KIAA1549L: variants seen among roughly 807,000 people sequenced by gnomAD.
KIAA1549L encodes the protein KIAA1549 like, also known as UPF0606 protein KIAA1549L.
A neutral mutation model predicts 160.7 loss-of-function variants in KIAA1549L; 88 were observed. The observed-to-expected ratio is 0.55, with a 90% confidence interval of 0.46 to 0.65. The LOEUF is 0.65. Among genes scored for constraint, KIAA1549L ranks in the 30% least tolerant of loss-of-function variants. The probability of loss-of-function intolerance (pLI) is 0.00; values close to 1 mark genes in which losing one functional copy is unlikely to be tolerated. For missense variants in KIAA1549L, 2,258 were observed against 2,437.5 expected (o/e 0.93, Z 1.55); for synonymous variants, 950 against 976.7 (o/e 0.97, Z 0.51).
intron 18 of KIAA1549L, 132 bp downstream of exon 18, chr11:33,656,241 C>T (rs1172295479): frequency 7.5e-6 from 5 of 668,986 alleles, no homozygotes; most frequent in Non-Finnish European, 1.3e-5. Context: ...CCTGTACAGA[C>T]AACCATGCGC....
intron 8 of KIAA1549L, 145 bp downstream of exon 8, chr11:33,561,880 T>G (rs1173598366): frequency 1.6e-6 from 1 of 638,274 alleles, no homozygotes; most frequent in Non-Finnish European, 2.8e-6. Flanking sequence ...GGACCAGAAG[T>G]GAATGGGGTA....
Position 33,439,994 on chromosome 11 carries a change from C to T in KIAA1549L, c.238+63105C>T, listed in dbSNP as rs1255579606. ...AGTCTATTTACGTTGATTATCATTA[C>T]GAAAATATTTGGATTTATTTTTACC... is the stretch of plus-strand genomic sequence containing the variant. On this transcript the variant is annotated intron_variant, in intron 1 of 20. Transcript: ENST00000658780. Among the ~76,000 whole-genome samples the T allele has an allele frequency of 5.3e-5, 8 of 151,976 alleles. No individual in the cohort carries two copies. In the East Asian group the frequency reaches 7.7e-4, roughly 15 times the overall value.
intron 1 of KIAA1549L, among the ~76,000 whole-genome samples, chr11:33,482,329 A>G (rs1852427580): frequency 6.6e-6 from 1 of 151,632 alleles, no homozygotes; most frequent in Non-Finnish European, 1.5e-5. Context: ...TTGAATAGTT[A>G]TCTGCTGGAA....
chr11:33,434,326 G>A (rs997065721), intron 1 of KIAA1549L, among the ~76,000 whole-genome samples: 8 of 152,290 alleles, frequency 5.3e-5, no homozygotes, highest in Non-Finnish European at 1.2e-4. Context: ...TGTAAGATGT[G>A]ACTTTGCTCC....
At chr11:33,402,728 C>T (rs1023038890) in intron 1 of KIAA1549L, among the ~76,000 whole-genome samples, 3 of 152,162 alleles carry the variant, frequency 2.0e-5, no homozygotes, top group Admixed American at 6.5e-5. Context: ...TGAATTCCCC[C>T]GTGGGAGCAG....
intron 4 of KIAA1549L, among the ~76,000 whole-genome samples, chr11:33,549,223 A>G (rs1451198004): frequency 6.6e-6 from 1 of 152,200 alleles, no homozygotes; most frequent in East Asian, 1.9e-4. Flanking sequence ...ACCACCATAA[A>G]TGGAAATCAA....
rs375655355 is a variant in KIAA1549L, at chr11:33,649,342, G to GAAAA, written c.5760+3306_5760+3307insAAAA. Among the ~76,000 whole-genome samples, 184 of 122,566 alleles carry GAAAA rather than the reference G, an allele frequency of 1.5e-3. 2 individuals carry two copies. The highest frequency in any genetic ancestry group is 6.8e-3 in the African/African-American group (171 of 25,158). The allele number at this position is 122,566 out of a possible 152,430, so 80.4% of individuals were successfully genotyped here. The stretch of plus-strand genomic sequence containing the variant: ...TATAATGAGATCCTGTCTCTACGGG[G>GAAAA]GAAAAAAAAAAAAAAAAAAAAAATT... On this transcript the variant is annotated intron_variant, in intron 17 of 20. Coordinates refer to ENST00000658780, the MANE Select transcript of KIAA1549L (RefSeq NM_012194.3).
In KIAA1549L at chr11:33,543,119, C is replaced by T; in HGVS notation, c.1556C>T (p.Pro519Leu). 2 of 1,613,934 alleles carry T rather than the reference C, an allele frequency of 1.2e-6. No individual in the cohort carries two copies. The highest frequency in any genetic ancestry group is 1.7e-6 in the Non-Finnish European group (2 of 1,179,908). ...ACAGAGAATCATGCCTCCCCATCTC[C>T]TGTGCCAGAAATGCCCACTCTTCCA... is the stretch of plus-strand genomic sequence containing the variant. ...QPTENHASPSPVPEMPTLPAE... is the reference protein window; with the variant it reads ...QPTENHASPSLVPEMPTLPAE... Residue 519 changes from proline to leucine, a missense_variant, in exon 2 of 21, where the codon CCT becomes CTT. Around this residue, in one of 6 missense-constraint regions of KIAA1549L, gnomAD observed 540 missense variants for 465.7 expected, o/e 1.16. Transcript: ENST00000658780.
At chr11:33,557,622 C>T (rs1017931098) in intron 6 of KIAA1549L, among the ~76,000 whole-genome samples, 1 of 152,034 alleles carries the variant, frequency 6.6e-6, no homozygotes, top group Non-Finnish European at 1.5e-5. Flanking sequence ...TATGGTGGCT[C>T]ACAATTGTAA....
At chr11:33,380,954 T>C (rs1195667719) in intron 1 of KIAA1549L, among the ~76,000 whole-genome samples, 3 of 151,918 alleles carry the variant, frequency 2.0e-5, no homozygotes, top group Non-Finnish European at 4.4e-5. Flanking sequence ...TTTGAATGCC[T>C]CAATATTCTG....
chr11:33,434,236 G>A lies in KIAA1549L; in HGVS notation c.238+57347G>A, dbSNP rs142581256. Among the ~76,000 whole-genome samples the A allele has an allele frequency of 3.3e-3, 504 of 152,218 alleles. 2 individuals are homozygous for A. The highest frequency in any genetic ancestry group is 0.011 in the African/African-American group (469 of 41,526). On this transcript the variant is annotated intron_variant, in intron 1 of 20. Transcript: ENST00000658780. ...GGGCAGTTTCTCCCATACTGTTCTCGTGGTAGTGAATAAGTCTCATGAGAT... is the reference window on the plus strand; with the variant it reads ...GGGCAGTTTCTCCCATACTGTTCTCATGGTAGTGAATAAGTCTCATGAGAT...
intron 1 of KIAA1549L, among the ~76,000 whole-genome samples, chr11:33,483,425 T>C (rs1353465784): frequency 6.6e-6 from 1 of 152,094 alleles, no homozygotes; most frequent in East Asian, 1.9e-4. Context: ...AGACCTTAGC[T>C]AATCTGGCAT....
chr11:33,612,390 A>AG (rs1410939512), intron 15 of KIAA1549L, among the ~76,000 whole-genome samples: 2 of 152,202 alleles, frequency 1.3e-5, no homozygotes, highest in African/African-American at 2.4e-5. Flanking sequence ...TCTAGTCCAG[A>AG]GGTAGCATCA....
intron 16 of KIAA1549L, among the ~76,000 whole-genome samples, chr11:33,640,376 C>T (rs77248532): frequency 0.017 from 2,590 of 152,320 alleles, 75 homozygotes; most frequent in African/African-American, 0.058. Flanking sequence ...ACATGCCACA[C>T]CTGCTTCTGC....
chr11:33,540,416 C>T (rs1418296344), intron 1 of KIAA1549L, among the ~76,000 whole-genome samples: 4 of 152,138 alleles, frequency 2.6e-5, no homozygotes, highest in African/African-American at 9.7e-5. Context: ...TGCAAAAGTA[C>T]CTTATACAGA....
intron 1 of KIAA1549L, among the ~76,000 whole-genome samples, chr11:33,445,077 A>G (rs1851584077): frequency 6.6e-6 from 1 of 152,172 alleles, no homozygotes; most frequent in African/African-American, 2.4e-5. Flanking sequence ...TTTTCCCACA[A>G]TGGAGAGCGC....
At chr11:33,459,792 T>C (rs1851902908) in intron 1 of KIAA1549L, among the ~76,000 whole-genome samples, 1 of 149,968 alleles carries the variant, frequency 6.7e-6, no homozygotes, top group Admixed American at 6.6e-5. Context: ...AAACCCCGTC[T>C]CTACTAAAAA....
Position 33,595,656 on chromosome 11 carries a change from G to T in KIAA1549L, c.4752-3164G>T, listed in dbSNP as rs763854132. ...ATGGGAGTCTCTGATCATTTGAAAAGATTTTCAAAACATCAAAGTCAAGAG... is the reference window on the plus strand; with the variant it reads ...ATGGGAGTCTCTGATCATTTGAAAATATTTTCAAAACATCAAAGTCAAGAG... On this transcript the variant is annotated intron_variant, in intron 12 of 20. Transcript: ENST00000658780. Among the ~76,000 whole-genome samples the T allele has an allele frequency of 1.7e-3, 263 of 152,298 alleles. 1 individual carries two copies. The highest frequency in any genetic ancestry group is 2.7e-3 in the Non-Finnish European group (183 of 68,022).
At chr11:33,392,836 G>T (rs567540411) in intron 1 of KIAA1549L, among the ~76,000 whole-genome samples, 1 of 152,300 alleles carries the variant, frequency 6.6e-6, no homozygotes, top group South Asian at 2.1e-4. Context: ...AAAGTGCTGG[G>T]ATTACAGGTG....
Sources: allele counts gnomAD v4.1 joint callset (sites outside exome capture counted in the v4.1 genomes callset), GRCh38; gene constraint gnomAD v4.1.1; regional missense constraint gnomAD v4.1.1; transcripts MANE v1.5; gene names NCBI Gene and HGNC (gene_info 2026-07-23, HGNC 2026-07-21).